Variants in PPP2R5E observed in about 807,000 individuals in gnomAD.
The protein encoded by PPP2R5E is serine/threonine-protein phosphatase 2A 56 kDa regulatory subunit epsilon isoform.
In PPP2R5E, 4 loss-of-function variants were observed where a neutral mutation model predicts 65.3. The observed-to-expected ratio is 0.06, with a 90% CI of 0.03 to 0.14. The LOEUF is 0.14. PPP2R5E is among the 10% of genes least tolerant of loss of function. The pLI, the probability that PPP2R5E is intolerant of heterozygous loss-of-function variation, is 1.00. For synonymous variants in PPP2R5E, 183 were observed against 187.4 expected (o/e 0.98, Z 0.19); for missense variants, 274 against 556.1 (o/e 0.49, Z 5.10).
chr14:63,539,710 T>C lies in PPP2R5E; in HGVS notation c.-7-18A>G, dbSNP rs1425420292. ...TATCCCTACTGAAGAGAAAGAAGTA[T>C]CATAAACCCATACATTCCCAAGGTG... is the stretch of plus-strand genomic sequence containing the variant. On this transcript the variant is annotated intron_variant, in intron 1 of 13. Coordinates refer to ENST00000337537, the MANE Select transcript of PPP2R5E (RefSeq NM_006246.5). The C allele has an allele frequency of 6.2e-7, 1 of 1,602,344 alleles. No individual in the cohort carries two copies. Among genetic ancestry groups the C allele is most frequent in the South Asian group, 1.1e-5 (1 of 90,016 alleles).
At chr14:63,466,146 A>G (rs957852510) in intron 2 of PPP2R5E, among the ~76,000 whole-genome samples, 10 of 152,188 alleles carry the variant, frequency 6.6e-5, no homozygotes, top group African/African-American at 2.2e-4. Context: ...GAAGATTAAC[A>G]TCAACACCAA....
intron 2 of PPP2R5E, among the ~76,000 whole-genome samples, chr14:63,459,657 A>C (rs1363278533): frequency 6.6e-6 from 1 of 152,154 alleles, no homozygotes; most frequent in Admixed American, 6.5e-5. Flanking sequence ...TTTGTTGTTG[A>C]TGATGGTGGT....
intron 2 of PPP2R5E, among the ~76,000 whole-genome samples, chr14:63,484,347 T>TCTCTCACACACACA (rs758248092): frequency 7.2e-6 from 1 of 139,594 alleles, no homozygotes; most frequent in African/African-American, 2.8e-5. Context: ...TCTCTCTCTC[T>TCTCTCACACACACA]CACACACACA....
At chr14:63,384,718 T>C in intron 11 of PPP2R5E, 147 bp from the exon 12 acceptor site, 2 of 564,032 alleles carry the variant, frequency 3.5e-6, no homozygotes, top group Non-Finnish European at 5.5e-6. Context: ...CACATTTTAA[T>C]ATATATATAT....
At chr14:63,473,635 G>GA (rs1890244797) in intron 2 of PPP2R5E, among the ~76,000 whole-genome samples, 1 of 152,206 alleles carries the variant, frequency 6.6e-6, no homozygotes, top group Non-Finnish European at 1.5e-5. Flanking sequence ...GGAAGTCTGA[G>GA]AAATGTCTGA....
intron 2 of PPP2R5E, among the ~76,000 whole-genome samples, chr14:63,532,179 A>T (rs959692475): frequency 6.6e-6 from 1 of 152,280 alleles, no homozygotes; most frequent in East Asian, 1.9e-4. Flanking sequence ...GGATTTAAGA[A>T]TCTCTATACC....
At chr14:63,455,451 A>T (rs1889064463) in intron 2 of PPP2R5E, among the ~76,000 whole-genome samples, 1 of 152,184 alleles carries the variant, frequency 6.6e-6, no homozygotes, top group Non-Finnish European at 1.5e-5. Flanking sequence ...ACAAGTATTG[A>T]ATTTAGAAAT....
chr14:63,376,262 T>G (rs542049203), intron 13 of PPP2R5E, among the ~76,000 whole-genome samples, 154 bp from the exon 14 acceptor site: 23 of 152,342 alleles, frequency 1.5e-4, no homozygotes, highest in African/African-American at 5.5e-4. Flanking sequence ...TGGGAATGAC[T>G]TATATGCATC....
intron 3 of PPP2R5E, among the ~76,000 whole-genome samples, chr14:63,430,987 T>TG (rs1292943563): frequency 6.6e-6 from 1 of 152,080 alleles, no homozygotes; most frequent in African/African-American, 2.4e-5. Flanking sequence ...AGGCATGTCC[T>TG]GGCCAGGCAT....
chr14:63,396,458 A>G, intron 6 of PPP2R5E, 128 bp downstream of exon 6: 4 of 1,255,920 alleles, frequency 3.2e-6, no homozygotes, highest in Non-Finnish European at 4.4e-6. Flanking sequence ...AGTCAGTAGA[A>G]TGAAGGAAGG....
chr14:63,388,019 G>A (rs1214481933), intron 11 of PPP2R5E, among the ~76,000 whole-genome samples: 1 of 152,124 alleles, frequency 6.6e-6, no homozygotes, highest in Non-Finnish European at 1.5e-5. Context: ...TGTCGTTTAA[G>A]TCGCCAGTCT....
intron 5 of PPP2R5E, 144 bp from the exon 6 acceptor site, chr14:63,396,860 G>T: frequency 1.1e-6 from 1 of 935,346 alleles, no homozygotes; most frequent in Non-Finnish European, 1.5e-6. Flanking sequence ...TAGTCTTTGG[G>T]CATATCATGA....
At chr14:63,461,591 G>A (rs1889461022) in intron 2 of PPP2R5E, among the ~76,000 whole-genome samples, 1 of 150,336 alleles carries the variant, frequency 6.7e-6, no homozygotes. Flanking sequence ...AAAGCCAGGT[G>A]TTTGAGACTA....
In PPP2R5E at chr14:63,416,757, A is replaced by G. The variant is rs548882105; in HGVS notation, c.457-1525T>C. 5.9e-5 allele frequency among the ~76,000 whole-genome samples: 9 copies of G among 152,216 alleles called. 1 individual carries two copies. The highest frequency in any genetic ancestry group is 3.4e-3 in the Middle Eastern group (1 of 294). On this transcript the variant is annotated intron_variant, in intron 4 of 13. Coordinates refer to ENST00000337537, the MANE Select transcript of PPP2R5E (RefSeq NM_006246.5). The stretch of plus-strand genomic sequence containing the variant: ...TACTTTCCAAAAGAATTGAGAAGAA[A>G]GCCATTGTTTTATAGTTTTATAAAT...
chr14:63,408,066 A>T (rs1367022075), intron 5 of PPP2R5E, among the ~76,000 whole-genome samples: 1 of 152,230 alleles, frequency 6.6e-6, no homozygotes, highest in African/African-American at 2.4e-5. Flanking sequence ...CAGGCTCAAA[A>T]ATTATACTGT....
At chr14:63,517,240 T>C (rs1164705372) in intron 2 of PPP2R5E, among the ~76,000 whole-genome samples, 24 of 152,166 alleles carry the variant, frequency 1.6e-4, no homozygotes, top group Admixed American at 1.6e-3. Context: ...GATATCCTCC[T>C]AGTCAAGTAA....
chr14:63,427,191 C>T (rs145137534), intron 3 of PPP2R5E, among the ~76,000 whole-genome samples: 161 of 152,274 alleles, frequency 1.1e-3, no homozygotes, highest in African/African-American at 3.7e-3. Flanking sequence ...TTGTGAAGAG[C>T]CTATGCGGCT....
At chr14:63,458,973 A>G (rs1889305931) in intron 2 of PPP2R5E, among the ~76,000 whole-genome samples, 2 of 152,186 alleles carry the variant, frequency 1.3e-5, no homozygotes, top group South Asian at 2.1e-4. Flanking sequence ...AATAGTAAGT[A>G]TGGCCTCTGA....
intron 3 of PPP2R5E, among the ~76,000 whole-genome samples, chr14:63,441,328 C>A (rs1031517765): frequency 6.6e-6 from 1 of 152,314 alleles, no homozygotes; most frequent in South Asian, 2.1e-4. Context: ...AAAATCTGAA[C>A]AGTCAGACAT....
Sources: allele counts gnomAD v4.1 joint callset (sites outside exome capture counted in the v4.1 genomes callset), GRCh38; gene constraint gnomAD v4.1.1; transcripts MANE v1.5; gene names NCBI Gene and HGNC (gene_info 2026-07-23, HGNC 2026-07-21).